LRRC3B: variants seen among roughly 807,000 people sequenced by gnomAD.
LRRC3B encodes the protein leucine rich repeat containing 3B, also known as leucine-rich repeat-containing protein 3B.
Under a neutral mutation model 12.8 loss-of-function variants are expected in LRRC3B, and 2 were observed. That is an observed-to-expected ratio of 0.16 (90% CI 0.06 to 0.49). LRRC3B has a LOEUF of 0.49. LRRC3B is among the 20% of genes least tolerant of loss of function. The pLI, the probability that LRRC3B is intolerant of heterozygous loss-of-function variation, is 0.96. For missense variants in LRRC3B, 189 were observed against 319.4 expected (o/e 0.59, Z 3.11); for synonymous variants, 132 against 122.0 (o/e 1.08, Z -0.54).
chr3:26,659,572 T>A (rs1006038259), intron 1 of LRRC3B, among the ~76,000 whole-genome samples: 1 of 152,250 alleles, frequency 6.6e-6, no homozygotes, highest in Admixed American at 6.5e-5. Flanking sequence ...GGAGATAATT[T>A]GAATAGTATT....
At chr3:26,634,763 C>A (rs1348301800) in intron 1 of LRRC3B, among the ~76,000 whole-genome samples, 2 of 152,116 alleles carry the variant, frequency 1.3e-5, no homozygotes, top group African/African-American at 4.8e-5. Context: ...ATGATCAAAC[C>A]CTATAAAAGT....
chr3:26,670,300 A>G (rs1350966845), intron 1 of LRRC3B, among the ~76,000 whole-genome samples: 1 of 152,232 alleles, frequency 6.6e-6, no homozygotes, highest in East Asian at 1.9e-4. Flanking sequence ...ACACATTAGT[A>G]GTATGTTTCC....
intron 1 of LRRC3B, among the ~76,000 whole-genome samples, chr3:26,708,411 G>A (rs1168177996): frequency 6.6e-6 from 1 of 152,190 alleles, no homozygotes; most frequent in East Asian, 1.9e-4. Flanking sequence ...GACTGGAAGA[G>A]AGTGTGTGGA....
At chr3:26,702,450 A>G (rs1329467538) in intron 1 of LRRC3B, among the ~76,000 whole-genome samples, 4 of 151,718 alleles carry the variant, frequency 2.6e-5, no homozygotes, top group Non-Finnish European at 4.4e-5. Flanking sequence ...CAGGAAAGCT[A>G]TTCTACAGTG....
intron 1 of LRRC3B, among the ~76,000 whole-genome samples, chr3:26,647,247 G>A (rs1699172315): frequency 6.6e-6 from 1 of 152,164 alleles, no homozygotes; most frequent in Non-Finnish European, 1.5e-5. Context: ...TTACCCTGAG[G>A]TTTTTCTTCA....
In LRRC3B at chr3:26,695,525, TCAAA is replaced by T. The variant is rs139527145; in HGVS notation, c.-160-13971_-160-13968del. Among the ~76,000 whole-genome samples the T allele has an allele frequency of 1.3e-4, 20 of 151,476 alleles. No individual in the cohort carries two copies. In the South Asian group the frequency reaches 1.5e-3, roughly 11 times the overall value. The stretch of plus-strand genomic sequence containing the variant: ...CTGGGCGACAGAGCCAGACAACATC[TCAAA>T]CAAACAAACAAACAAAAAAACTTCT... On this transcript the variant is annotated intron_variant, in intron 1 of 1. Transcript: ENST00000396641.
At chr3:26,636,922 CTTT>C (rs1698902050) in intron 1 of LRRC3B, among the ~76,000 whole-genome samples, 1 of 61,418 alleles carries the variant, frequency 1.6e-5, no homozygotes, top group Non-Finnish European at 2.7e-5. Flanking sequence ...TTCTCTCTTT[CTTT>C]CTTTCTTTCT....
intron 1 of LRRC3B, among the ~76,000 whole-genome samples, chr3:26,656,970 A>G (rs185532614): frequency 2.2e-4 from 33 of 152,302 alleles, no homozygotes; most frequent in Admixed American, 1.9e-3. Context: ...TGCAAGCACA[A>G]CTTGGCTCTC....
intron 1 of LRRC3B, among the ~76,000 whole-genome samples, chr3:26,659,741 T>G (rs1192167876): frequency 6.6e-6 from 1 of 152,166 alleles, no homozygotes; most frequent in East Asian, 1.9e-4. Flanking sequence ...GAAAATAGAA[T>G]GTTCTACAGA....
chr3:26,688,661 A>T (rs906274062), intron 1 of LRRC3B, among the ~76,000 whole-genome samples: 1 of 152,148 alleles, frequency 6.6e-6, no homozygotes, highest in African/African-American at 2.4e-5. Context: ...AGAACTCATC[A>T]TCATGAGAAC....
exon 2 of LRRC3B, chr3:26,710,042 C>A (rs759744526): frequency 2.5e-6 from 4 of 1,614,110 alleles, no homozygotes; most frequent in Non-Finnish European, 3.4e-6. Flanking sequence ...GTCCGACAAT[C>A]GGATTCAAAG....
At chr3:26,699,932 G>T (rs1048762358) in intron 1 of LRRC3B, among the ~76,000 whole-genome samples, 1 of 152,084 alleles carries the variant, frequency 6.6e-6, no homozygotes, top group African/African-American at 2.4e-5. Context: ...TAAATGCTGG[G>T]TTCATAAAAA....
chr3:26,707,593 A>ATGTT (rs1484612769), intron 1 of LRRC3B, among the ~76,000 whole-genome samples: 3 of 152,276 alleles, frequency 2.0e-5, no homozygotes, highest in South Asian at 2.1e-4. Context: ...ATCTTTCAGC[A>ATGTT]TGTTTTAGGC....
At chr3:26,632,530 A>G (rs1281756884) in intron 1 of LRRC3B, among the ~76,000 whole-genome samples, 1 of 152,072 alleles carries the variant, frequency 6.6e-6, no homozygotes, top group Non-Finnish European at 1.5e-5. Flanking sequence ...GCGAGACAAG[A>G]TGGTGGATCC....
intron 1 of LRRC3B, among the ~76,000 whole-genome samples, chr3:26,664,601 G>A (rs1304542822): frequency 3.3e-5 from 5 of 152,130 alleles, no homozygotes; most frequent in Non-Finnish European, 5.9e-5. Context: ...GAATTATTAG[G>A]AAGTGGTCCT....
At chr3:26,676,268 G>A (rs1229868605) in intron 1 of LRRC3B, among the ~76,000 whole-genome samples, 1 of 129,732 alleles carries the variant, frequency 7.7e-6, no homozygotes, top group African/African-American at 3.0e-5. Context: ...GGTGTGTGAT[G>A]TTCCCCTTCC....
At chr3:26,671,520 T>TC (rs1699748251) in intron 1 of LRRC3B, among the ~76,000 whole-genome samples, 3 of 150,290 alleles carry the variant, frequency 2.0e-5, no homozygotes, top group Admixed American at 2.0e-4. Flanking sequence ...GCCTCCCAAG[T>TC]AGCTGGGACT....
At chr3:26,637,190 G>C (rs1314143369) in intron 1 of LRRC3B, among the ~76,000 whole-genome samples, 1 of 151,654 alleles carries the variant, frequency 6.6e-6, no homozygotes, top group Non-Finnish European at 1.5e-5. Context: ...GGGTTTCACT[G>C]TGTTGGCCAG....
chr3:26,653,157 C>A (rs1699300517), intron 1 of LRRC3B, among the ~76,000 whole-genome samples: 2 of 146,242 alleles, frequency 1.4e-5, no homozygotes, highest in African/African-American at 2.5e-5. Context: ...GATGAGGAAA[C>A]AAAAATGACT....
Sources: gnomAD v4.1 joint callset for allele counts (sites outside exome capture counted in the v4.1 genomes callset) on GRCh38, gnomAD v4.1.1 for gene constraint, MANE v1.5 for transcripts, NCBI Gene and HGNC (gene_info 2026-07-23, HGNC 2026-07-21) for gene names.